The following COL11A1 variants were observed in gnomAD, a reference collection of about 807,000 sequenced individuals.
COL11A1 encodes the protein collagen type XI alpha 1 chain, also known as collagen alpha-1(XI) chain.
In COL11A1, 74 loss-of-function variants were observed where a neutral mutation model predicts 265.2. That is an observed-to-expected ratio of 0.28 (90% CI 0.23 to 0.34). The LOEUF (loss-of-function observed/expected upper bound fraction) is 0.34, where lower values mean the gene tolerates loss of function less well. Ranked by LOEUF, COL11A1 falls within the 10% of genes least tolerant of loss-of-function variation. COL11A1 has a pLI of 1.00. For synonymous variants in COL11A1, 816 were observed against 727.6 expected (o/e 1.12, Z -1.96); for missense variants, 2,165 against 2,263.6 (o/e 0.96, Z 0.88).
chr1:103,075,280 T>C (rs372221864), intron 3 of COL11A1, among the ~76,000 whole-genome samples: 2 of 152,180 alleles, frequency 1.3e-5, no homozygotes, highest in Non-Finnish European at 2.9e-5. Flanking sequence ...AACGTCCTAA[T>C]TGTAAAACAC....
At chr1:103,102,400 T>A (rs747696674) in intron 1 of COL11A1, among the ~76,000 whole-genome samples, 13 of 152,018 alleles carry the variant, frequency 8.6e-5, no homozygotes, top group Non-Finnish European at 1.5e-4. Flanking sequence ...TTTTATAACA[T>A]CAGCGTTTAT....
chr1:102,883,303 A>G lies in COL11A1; in HGVS notation c.4867T>C (p.Trp1623Arg). The G allele has an allele frequency of 6.2e-7, 1 of 1,608,952 alleles. No homozygotes were observed. The highest frequency in any genetic ancestry group is 8.5e-7 in the Non-Finnish European group (1 of 1,175,532). Residue 1623 changes from tryptophan (W) to arginine (R), a missense_variant, in exon 64 of 67, where the codon TGG (tryptophan) becomes CGG (arginine). Trp to Arg is a moderately radical substitution (Grantham distance 101). Transcript: ENST00000370096. Reference protein sequence around the residue: ...SHPDFPDGEYWIDPNQGCSGD... With the variant: ...SHPDFPDGEYRIDPNQGCSGD... ...GAGCAACCTTGGTTAGGATCAATCC[A>G]ATATTCACCTAGAAGGTAGCAAAAA...
intron 30 of COL11A1, among the ~76,000 whole-genome samples, chr1:102,984,470 A>T (rs1663346783): frequency 1.3e-5 from 2 of 151,996 alleles, no homozygotes; most frequent in Admixed American, 1.3e-4. Context: ...TTTTAAAGAG[A>T]ACTCTGCACT....
chr1:102,988,821 T>C (rs1334028093), intron 29 of COL11A1, among the ~76,000 whole-genome samples: 1 of 152,166 alleles, frequency 6.6e-6, no homozygotes. Flanking sequence ...GTCTCTCTTT[T>C]GTACGTGGCT....
At chr1:103,017,376 T>G (rs185188036) in intron 11 of COL11A1, among the ~76,000 whole-genome samples, 1 of 152,258 alleles carries the variant, frequency 6.6e-6, no homozygotes, top group African/African-American at 2.4e-5. Context: ...AAGGGAAGGT[T>G]ATTTTATGAG....
At position 103,015,653 on chromosome 1, in the gene COL11A1, T is replaced by TA; in HGVS notation, c.1488+14dup. 6.3e-7 allele frequency: 1 copy of TA among 1,583,410 alleles called. No homozygotes were observed. The highest frequency in any genetic ancestry group is 8.6e-7 in the Non-Finnish European group (1 of 1,157,348). On this transcript the variant is annotated intron_variant, in intron 12 of 66. Transcript: ENST00000370096. ...AAGATATCAAGTCATCTCTATAACA[T>TA]AAAAAAGAACATACCGGTAACATCA... is the stretch of plus-strand genomic sequence containing the variant.
chr1:103,022,757 A>G lies in COL11A1; in HGVS notation c.1230T>C (p.Asp410=). 1 of 1,613,670 alleles carries G rather than the reference A, an allele frequency of 6.2e-7. No homozygotes were observed. Among genetic ancestry groups the G allele is most frequent in the Non-Finnish European group, 8.5e-7 (1 of 1,179,970 alleles). The change falls in exon 8 of 67, where the codon GAT becomes GAC. Residue 410 remains aspartate (D), a synonymous_variant. Coordinates refer to ENST00000370096, the MANE Select transcript of COL11A1 (RefSeq NM_001854.4). ...ATCAACTTACGCTTGTTTCTGTAAT[A>G]TCAGTTTCTGCTGGTACACCTGGAC... ...EFGPGVPAET[D]ITETSINGHG...
chr1:102,889,387 G>GTT lies in COL11A1; in HGVS notation c.4464+67_4464+68insAA. 6 of 881,172 alleles carry GTT rather than the reference G, an allele frequency of 6.8e-6. No homozygotes were observed. In the South Asian group the frequency reaches 8.2e-5, roughly 12 times the overall value. 54.6% of individuals were successfully genotyped at this position (881,172 alleles called of 1,614,324 possible). A position where few individuals can be genotyped will look rare whatever the true frequency, so the allele number is the denominator to read the frequency against. ...TCTTTGATCATACTTAAAGGACTGT[G>GTT]TGTGTGTGTGTGTGTGTGTGTGTAT... On this transcript the variant is annotated intron_variant, in intron 59 of 66. Coordinates refer to ENST00000370096, the MANE Select transcript of COL11A1 (RefSeq NM_001854.4).
At position 102,965,500 on chromosome 1, in the gene COL11A1, A is replaced by C; in HGVS notation, c.2903T>G (p.Val968Gly). Residue 968 changes from valine (V) to glycine (G), a missense_variant, in exon 38 of 67, where the codon GTG becomes GGG. Val to Gly is a moderately radical substitution (Grantham distance 109). Coordinates refer to ENST00000370096, the MANE Select transcript of COL11A1 (RefSeq NM_001854.4). Reference protein sequence around the residue: ...GKTGPPGPGGVVGPQGPTGET... With the variant: ...GKTGPPGPGGGVGPQGPTGET... ...AAAGGAACATACCTGTGGTCCAACC[A>C]CTCCCCCTGGCCCAGGAGGGCCGGT... The C allele has an allele frequency of 6.2e-7, 1 of 1,613,478 alleles. No individual in the cohort carries two copies. Among genetic ancestry groups the C allele is most frequent in the Admixed American group, 1.7e-5 (1 of 59,966 alleles).
chr1:102,934,463 G>T lies in COL11A1; in HGVS notation c.3586C>A (p.Pro1196Thr). 1 of 1,612,760 alleles carries T rather than the reference G, an allele frequency of 6.2e-7. No homozygotes were observed. The highest frequency in any genetic ancestry group is 8.5e-7 in the Non-Finnish European group (1 of 1,178,750). Residue 1196 changes from proline (P) to threonine (T), a missense_variant, in exon 46 of 67, where the codon CCA becomes ACA. Transcript: ENST00000370096. ...GATCATCTTACCTGAAGACCTATTG[G>T]ACCAGGAGGTCCAGGGAAGCCTCTG... ...GARGFPGPPG[P>T]IGLQGLPGPP...
intron 1 of COL11A1, among the ~76,000 whole-genome samples, chr1:103,083,781 T>A (rs1221941556): frequency 1.3e-5 from 2 of 152,166 alleles, no homozygotes; most frequent in East Asian, 3.9e-4. Context: ...AGGCTGAAAG[T>A]CCCTGGAGAT....
chr1:103,101,256 A>G (rs1258926800), intron 1 of COL11A1, among the ~76,000 whole-genome samples: 3 of 151,936 alleles, frequency 2.0e-5, no homozygotes, highest in East Asian at 1.9e-4. Flanking sequence ...CTCTAACCCA[A>G]TTAGACAACA....
At chr1:102,958,670 A>G (rs2101543566) in intron 41 of COL11A1, among the ~76,000 whole-genome samples, 1 of 152,306 alleles carries the variant, frequency 6.6e-6, no homozygotes, top group Middle Eastern at 3.4e-3. Flanking sequence ...TTTAAGGAAT[A>G]ATTTTAATTG....
At chr1:103,072,374 C>T (rs114456237) in intron 4 of COL11A1, among the ~76,000 whole-genome samples, 2,187 of 151,812 alleles carry the variant, frequency 0.014, 41 homozygotes, top group African/African-American at 0.05. Flanking sequence ...TTATGCTATG[C>T]CTGAAAAAGT....
intron 2 of COL11A1, among the ~76,000 whole-genome samples, chr1:103,079,543 C>A (rs1672238717): frequency 6.6e-6 from 1 of 151,986 alleles, no homozygotes; most frequent in Non-Finnish European, 1.5e-5. Flanking sequence ...TACTAAGCAT[C>A]TGTTATATAA....
At chr1:103,064,829 A>T (rs1670967899) in intron 4 of COL11A1, among the ~76,000 whole-genome samples, 1 of 149,366 alleles carries the variant, frequency 6.7e-6, no homozygotes, top group Non-Finnish European at 1.5e-5. Flanking sequence ...AAAATTATAG[A>T]GGCAGTAAAA....
chr1:102,977,260 T>A (rs1448529028), intron 35 of COL11A1, among the ~76,000 whole-genome samples: 2 of 152,160 alleles, frequency 1.3e-5, no homozygotes, highest in Non-Finnish European at 2.9e-5. Flanking sequence ...AATGAAGGCA[T>A]ACTTGGGATG....
chr1:103,061,811 T>C (rs1400077987), intron 4 of COL11A1, among the ~76,000 whole-genome samples: 1 of 151,802 alleles, frequency 6.6e-6, no homozygotes, highest in Non-Finnish European at 1.5e-5. Context: ...AAAATAAATC[T>C]GAAATAAACA....
chr1:102,995,332 A>G lies in COL11A1; in HGVS notation c.2340+532T>C, dbSNP rs565438972. Among the ~76,000 whole-genome samples the G allele has an allele frequency of 3.9e-5, 6 of 152,118 alleles. No individual in the cohort carries two copies. The East Asian group carries it at 9.7e-4, about 24-fold the overall frequency. On this transcript the variant is annotated intron_variant, in intron 28 of 66. Coordinates refer to ENST00000370096, the MANE Select transcript of COL11A1 (RefSeq NM_001854.4). ...TTCATAGTTTTAGGTACATTTTTTCATTCACTTCTGTCTGGTTGTAATTTT... is the reference window on the plus strand; with the variant it reads ...TTCATAGTTTTAGGTACATTTTTTCGTTCACTTCTGTCTGGTTGTAATTTT...
Sources: allele counts gnomAD v4.1 joint callset (sites outside exome capture counted in the v4.1 genomes callset), GRCh38; gene constraint gnomAD v4.1.1; transcripts MANE v1.5; gene names NCBI Gene and HGNC (gene_info 2026-07-23, HGNC 2026-07-21).